MYPN: variants seen among roughly 807,000 people sequenced by gnomAD.
MYPN encodes the protein sarcomeric protein myopalladin, 145 kDa (MYOP).
Under a neutral mutation model 129.4 loss-of-function variants are expected in MYPN, and 63 were observed. That is an observed-to-expected ratio of 0.49 (90% CI 0.40 to 0.60). The LOEUF (loss-of-function observed/expected upper bound fraction) is 0.60. Ranked by LOEUF, MYPN falls within the 20% of genes least tolerant of loss-of-function variation. The pLI is 0.00. For missense variants in MYPN, 1,596 were observed against 1,635.4 expected (o/e 0.98, Z 0.42); for synonymous variants, 629 against 600.9 (o/e 1.05, Z -0.68).
chr10:68,174,751 G>A, intron 11 of MYPN, 95 bp downstream of exon 11: 4 of 1,141,100 alleles, frequency 3.5e-6, no homozygotes, highest in Middle Eastern at 3.9e-4. Context: ...TCATTTTGTG[G>A]ATTCCTAGAT....
At chr10:68,158,271 A>G (rs2042914843) in intron 6 of MYPN, 1 of 557,042 alleles carries the variant, frequency 1.8e-6, no homozygotes, top group Admixed American at 3.1e-5. Flanking sequence ...GGTCAAGGGC[A>G]TAGGAGTAGC....
At chr10:68,183,392 G>A (rs368468327) in intron 12 of MYPN, among the ~76,000 whole-genome samples, 65 of 152,142 alleles carry the variant, frequency 4.3e-4, no homozygotes, top group African/African-American at 1.4e-3. Flanking sequence ...CGCCCAGGAG[G>A]CAAAGTTTGC....
intron 1 of MYPN, among the ~76,000 whole-genome samples, chr10:68,117,839 A>G (rs1016361048): frequency 2.0e-5 from 3 of 151,542 alleles, no homozygotes; most frequent in Non-Finnish European, 4.4e-5. Flanking sequence ...TTGAATGTTT[A>G]CTAAATCCCA....
chr10:68,181,500 G>C lies in MYPN; in HGVS notation c.2703+6039G>C, dbSNP rs965860055. 7.2e-5 allele frequency among the ~76,000 whole-genome samples: 11 copies of C among 152,104 alleles called. No individual in the cohort carries two copies. In the East Asian group the frequency reaches 7.8e-4, roughly 11 times the overall value. ...AGATGGGGTTTCACCATGCTGGCCA[G>C]GCTGGTCTCGAACTCTTGACCTCAA... On this transcript the variant is annotated intron_variant, in intron 12 of 19. Coordinates refer to ENST00000358913, the MANE Select transcript of MYPN (RefSeq NM_032578.4).
At chr10:68,102,776 A>G (rs568003485), upstream of MYPN, among the ~76,000 whole-genome samples, 1 of 152,236 alleles carries the variant, frequency 6.6e-6, no homozygotes, top group Non-Finnish European at 1.5e-5. Flanking sequence ...GAAAATTTGC[A>G]CAATATTGTC....
intron 2 of MYPN, among the ~76,000 whole-genome samples, chr10:68,140,769 T>C (rs888365052): frequency 2.0e-5 from 3 of 152,172 alleles, no homozygotes; most frequent in African/African-American, 7.2e-5. Context: ...TTCTTCAGTG[T>C]GCTTTAGAAT....
chr10:68,119,385 T>TTTTATTTA (rs141638905), intron 1 of MYPN, among the ~76,000 whole-genome samples: 9,000 of 144,642 alleles, frequency 0.062, 311 homozygotes, highest in South Asian at 0.091. Context: ...TTGCATTTTA[T>TTTTATTTA]TTTATTTATT....
chr10:68,160,429 C>CAAAAAAAAAAAAAAAAAAAAAAAAA (rs56201900), intron 7 of MYPN, among the ~76,000 whole-genome samples: 1 of 62,074 alleles, frequency 1.6e-5, no homozygotes, highest in African/African-American at 7.7e-5. Flanking sequence ...GACCTTATCT[C>CAAAAAAAAAAAAAAAAAAAAAAAAA]AAAAAAAAAA....
intron 12 of MYPN, among the ~76,000 whole-genome samples, chr10:68,184,061 A>G (rs572315310): frequency 4.7e-4 from 72 of 152,192 alleles, no homozygotes; most frequent in African/African-American, 1.6e-3. Flanking sequence ...ATACTTCTCC[A>G]TTTTGGGCTG....
At chr10:68,140,885 A>C (rs2042565742) in intron 2 of MYPN, among the ~76,000 whole-genome samples, 1 of 152,124 alleles carries the variant, frequency 6.6e-6, no homozygotes, top group African/African-American at 2.4e-5. Flanking sequence ...CCAACCTGGG[A>C]AACATAGCAA....
intron 11 of MYPN, 70 bp from the exon 12 acceptor site, chr10:68,175,253 C>T: frequency 6.4e-7 from 1 of 1,566,650 alleles, no homozygotes; most frequent in Non-Finnish European, 8.8e-7. Flanking sequence ...TTCAACCACT[C>T]TGATTTCTAG....
Position 68,197,565 on chromosome 10 carries a change from GT to G in MYPN, c.3285+97del, listed in dbSNP as rs577061660. ...ATTTTTATTTGTATTTGTTTTGTGG[GT>G]TTTTTTTTTCAGGAAAGATGAGATG... On this transcript the variant is annotated intron_variant, in intron 16 of 19. Transcript: ENST00000358913. 1.7e-3 allele frequency: 2,189 copies of G among 1,309,842 alleles called. 11 individuals carry two copies. The highest frequency in any genetic ancestry group is 0.017 in the African/African-American group (1,098 of 66,214). The allele number at this position is 1,309,842 out of a possible 1,614,324, so 81.1% of individuals were successfully genotyped here. A position where few individuals can be genotyped will look rare whatever the true frequency, so the allele number is the denominator to read the frequency against.
At chr10:68,171,750 C>G (rs2043148168) in intron 10 of MYPN, among the ~76,000 whole-genome samples, 1 of 152,168 alleles carries the variant, frequency 6.6e-6, no homozygotes, top group Non-Finnish European at 1.5e-5. Flanking sequence ...GTCAGTGATG[C>G]ACTGGCAAAT....
intron 12 of MYPN, among the ~76,000 whole-genome samples, chr10:68,182,434 TATATAAC>T (rs1168166908): frequency 1.3e-4 from 18 of 138,160 alleles, no homozygotes; most frequent in East Asian, 2.1e-4. Context: ...ATAACACATA[TATATAAC>T]ATATATATAA....
chr10:68,158,661 T>A (rs775641900), intron 7 of MYPN, 34 bp downstream of exon 7: 35 of 1,476,888 alleles, frequency 2.4e-5, no homozygotes, highest in Non-Finnish European at 3.1e-5. Flanking sequence ...TTCTGATATT[T>A]TGTTTTTATG....
intron 6 of MYPN, among the ~76,000 whole-genome samples, chr10:68,156,900 G>A (rs896590310): frequency 1.3e-5 from 2 of 152,182 alleles, no homozygotes; most frequent in African/African-American, 4.8e-5. Context: ...AAGTTTAATT[G>A]TAACCTTTTT....
intron 8 of MYPN, among the ~76,000 whole-genome samples, chr10:68,163,366 C>T (rs1272603391): frequency 6.6e-6 from 1 of 152,002 alleles, no homozygotes; most frequent in Non-Finnish European, 1.5e-5. Context: ...GTGGCTCACG[C>T]CTGTAATCCC....
At chr10:68,135,833 A>AAG (rs1233730377) in intron 2 of MYPN, among the ~76,000 whole-genome samples, 1 of 152,134 alleles carries the variant, frequency 6.6e-6, no homozygotes, top group Non-Finnish European at 1.5e-5. Context: ...TTCAGTAAGG[A>AAG]AGAGAGACAC....
chr10:68,169,763 G>A (rs1454398228), intron 10 of MYPN, among the ~76,000 whole-genome samples: 1 of 149,928 alleles, frequency 6.7e-6, no homozygotes, highest in South Asian at 2.1e-4. Context: ...TCTCCAAGAT[G>A]GAGTCTTGCT....
Sources: gnomAD v4.1 joint callset for allele counts (sites outside exome capture counted in the v4.1 genomes callset) on GRCh38, gnomAD v4.1.1 for gene constraint, MANE v1.5 for transcripts, NCBI Gene and HGNC (gene_info 2026-07-23, HGNC 2026-07-21) for gene names.